The following IMMP2L variants were observed in gnomAD, a reference collection of about 807,000 sequenced individuals.
IMMP2L encodes the protein mitochondrial inner membrane protease subunit 2.
In IMMP2L, 18 loss-of-function variants were observed where a neutral mutation model predicts 19.3. The ratio of observed to expected loss-of-function variants is 0.93; its 90% CI spans 0.64 to 1.38. IMMP2L has a LOEUF of 1.38. Ranked by LOEUF, IMMP2L falls within the 40% of genes most tolerant of loss-of-function variation. The pLI is 0.00. For missense variants in IMMP2L, 233 were observed against 218.2 expected (o/e 1.07, Z -0.43); for synonymous variants, 76 against 73.0 (o/e 1.04, Z -0.21).
At chr7:110,718,664 T>G (rs938020943) in intron 5 of IMMP2L, among the ~76,000 whole-genome samples, 1 of 152,106 alleles carries the variant, frequency 6.6e-6, no homozygotes, top group African/African-American at 2.4e-5. Context: ...CTTTAGCATT[T>G]GAACAGCAAG....
At chr7:111,133,495 G>A (rs1802041041) in intron 3 of IMMP2L, among the ~76,000 whole-genome samples, 1 of 151,892 alleles carries the variant, frequency 6.6e-6, no homozygotes, top group South Asian at 2.1e-4. Context: ...TAGGCAACTG[G>A]GAGAAAGTTC....
chr7:111,395,196 G>C (rs1293988933), intron 3 of IMMP2L, among the ~76,000 whole-genome samples: 1 of 152,214 alleles, frequency 6.6e-6, no homozygotes. Context: ...AGAGTAGTCA[G>C]ACAGAGCAGG....
At chr7:111,367,028 G>C (rs776094583) in intron 3 of IMMP2L, among the ~76,000 whole-genome samples, 9 of 151,566 alleles carry the variant, frequency 5.9e-5, no homozygotes, top group Non-Finnish European at 1.0e-4. Flanking sequence ...GGGAAAAAAA[G>C]CAGGCAAAAG....
At chr7:111,158,042 T>A (rs1245104666) in intron 3 of IMMP2L, among the ~76,000 whole-genome samples, 1 of 152,038 alleles carries the variant, frequency 6.6e-6, no homozygotes, top group Non-Finnish European at 1.5e-5. Flanking sequence ...CTATTAGCAC[T>A]ACATTTCTGT....
chr7:111,552,433 A>G (rs1462244464), intron 1 of IMMP2L, among the ~76,000 whole-genome samples: 2 of 152,116 alleles, frequency 1.3e-5, no homozygotes, highest in African/African-American at 4.8e-5. Context: ...CATCACAGGC[A>G]TGTATCATCA....
chr7:110,871,380 G>T (rs903547164), intron 5 of IMMP2L, among the ~76,000 whole-genome samples: 5 of 152,046 alleles, frequency 3.3e-5, no homozygotes, highest in African/African-American at 9.7e-5. Context: ...CAAGCTCAGG[G>T]GCATGCCAAA....
At chr7:110,925,813 A>T (rs1185518202) in intron 4 of IMMP2L, among the ~76,000 whole-genome samples, 1 of 152,100 alleles carries the variant, frequency 6.6e-6, no homozygotes, top group Non-Finnish European at 1.5e-5. Flanking sequence ...AAAAGAAAAT[A>T]TTAATGAAGA....
intron 3 of IMMP2L, among the ~76,000 whole-genome samples, chr7:111,456,636 T>C (rs1448532020): frequency 1.3e-5 from 2 of 152,040 alleles, no homozygotes; most frequent in Non-Finnish European, 2.9e-5. Context: ...TTTTTAGCCT[T>C]TTGTAATATG....
intron 3 of IMMP2L, among the ~76,000 whole-genome samples, chr7:111,307,348 G>T (rs970576278): frequency 6.6e-6 from 1 of 151,392 alleles, no homozygotes; most frequent in Non-Finnish European, 1.5e-5. Flanking sequence ...CAATACTGTC[G>T]AGTCACTAAG....
At chr7:111,236,419 G>A (rs1192905450) in intron 3 of IMMP2L, among the ~76,000 whole-genome samples, 1 of 151,962 alleles carries the variant, frequency 6.6e-6, no homozygotes, top group African/African-American at 2.4e-5. Context: ...CCACTACTAG[G>A]CAATATTCTT....
At chr7:111,199,057 T>C (rs1042792631) in intron 3 of IMMP2L, among the ~76,000 whole-genome samples, 14 of 152,142 alleles carry the variant, frequency 9.2e-5, no homozygotes, top group Non-Finnish European at 2.1e-4. Context: ...CGAACTGCAT[T>C]TCCTAGTGGG....
intron 5 of IMMP2L, among the ~76,000 whole-genome samples, chr7:110,690,685 A>C (rs544284375): frequency 3.9e-5 from 6 of 152,280 alleles, no homozygotes; most frequent in African/African-American, 1.4e-4. Context: ...GAATCAAATG[A>C]AGAACTCAAT....
At chr7:110,998,482 G>A (rs1019064510) in intron 3 of IMMP2L, among the ~76,000 whole-genome samples, 1 of 152,142 alleles carries the variant, frequency 6.6e-6, no homozygotes, top group Non-Finnish European at 1.5e-5. Flanking sequence ...TCTCATTCTA[G>A]CAACTATCAA....
chr7:110,992,108 T>C (rs1002499454), intron 3 of IMMP2L, among the ~76,000 whole-genome samples: 1 of 152,188 alleles, frequency 6.6e-6, no homozygotes, highest in Non-Finnish European at 1.5e-5. Context: ...CAATTATATG[T>C]ACATTTCTTT....
chr7:110,945,055 C>A (rs530052574), intron 4 of IMMP2L, among the ~76,000 whole-genome samples: 14 of 151,826 alleles, frequency 9.2e-5, no homozygotes, highest in African/African-American at 3.4e-4. Flanking sequence ...GGGAACAAGA[C>A]AAAAGGAAGG....
intron 5 of IMMP2L, among the ~76,000 whole-genome samples, chr7:110,847,121 T>C (rs1184676087): frequency 6.6e-6 from 1 of 152,232 alleles, no homozygotes; most frequent in Non-Finnish European, 1.5e-5. Flanking sequence ...AAATATTGCA[T>C]GTGAACTATT....
At chr7:111,207,495 G>A (rs1301100991) in intron 3 of IMMP2L, among the ~76,000 whole-genome samples, 1 of 150,444 alleles carries the variant, frequency 6.6e-6, no homozygotes, top group Admixed American at 6.6e-5. Flanking sequence ...AGCAAAGATA[G>A]AGGCTTGCTT....
chr7:110,933,835 T>G (rs1311122851), intron 4 of IMMP2L, among the ~76,000 whole-genome samples: 1 of 152,086 alleles, frequency 6.6e-6, no homozygotes, highest in Non-Finnish European at 1.5e-5. Flanking sequence ...AGAAAGACAA[T>G]AAAAAATGGA....
chr7:110,681,355 C>A (rs1340495186), intron 5 of IMMP2L, among the ~76,000 whole-genome samples: 1 of 152,088 alleles, frequency 6.6e-6, no homozygotes, highest in Admixed American at 6.6e-5. Context: ...GCTTTCTACA[C>A]CTGCTTTTAC....
Sources: allele counts gnomAD v4.1 joint callset (sites outside exome capture counted in the v4.1 genomes callset), GRCh38; gene constraint gnomAD v4.1.1; transcripts MANE v1.5; gene names NCBI Gene and HGNC (gene_info 2026-07-23, HGNC 2026-07-21).